GNS: variants seen among roughly 807,000 people sequenced by gnomAD.
GNS encodes the protein glucosamine (N-acetyl)-6-sulfatase, also known as N-acetylglucosamine-6-sulfatase.
GNS carries 40 observed loss-of-function variants against 69.7 expected under a neutral mutation model. The observed-to-expected ratio is 0.57, with a 90% confidence interval of 0.45 to 0.75. The LOEUF is 0.75. Among genes scored for constraint, GNS ranks in the 30% least tolerant of loss-of-function variants. GNS has a pLI of 0.00. For synonymous variants in GNS, 243 were observed against 251.6 expected (o/e 0.97, Z 0.32); for missense variants, 565 against 685.5 (o/e 0.82, Z 1.96).
chr12:64,735,562 C>A (rs1377900450), intron 9 of GNS, among the ~76,000 whole-genome samples: 1 of 152,148 alleles, frequency 6.6e-6, no homozygotes, highest in African/African-American at 2.4e-5. Context: ...GCAATGTTAA[C>A]TTAAAGAAAA....
At chr12:64,756,903 C>A in intron 1 of GNS, 1 of 576,036 alleles carries the variant, frequency 1.7e-6, no homozygotes, top group South Asian at 2.2e-5. Context: ...GCCTGTAATC[C>A]CAGCACTTTG....
rs1869549314 is a variant in GNS at position 64,736,119 on chromosome 12, CA to C, written c.1098+884del. 3.9e-5 allele frequency among the ~76,000 whole-genome samples: 6 copies of C among 152,182 alleles called. No homozygotes were observed. In the South Asian group the frequency reaches 1.2e-3, roughly 31 times the overall value. ...GGGACTGAAACTGAAATTGTGATAT[CA>C]GGAAGGAGAGAAGACATAGCTGGTG... is the stretch of plus-strand genomic sequence containing the variant. On this transcript the variant is annotated intron_variant, in intron 9 of 13. Coordinates refer to ENST00000258145, the MANE Select transcript of GNS (RefSeq NM_002076.4).
chr12:64,734,725 T>C (rs1404381503), intron 9 of GNS, among the ~76,000 whole-genome samples: 6 of 152,236 alleles, frequency 3.9e-5, no homozygotes, highest in Non-Finnish European at 8.8e-5. Context: ...AACATCCACA[T>C]CTGCTCAAAT....
intron 9 of GNS, among the ~76,000 whole-genome samples, chr12:64,732,147 T>C (rs1470475207): frequency 2.3e-5 from 3 of 132,416 alleles, no homozygotes; most frequent in African/African-American, 5.8e-5. Flanking sequence ...CCACCACACC[T>C]GGCTAATTTT....
At chr12:64,737,817 C>T (rs188128155) in intron 8 of GNS, among the ~76,000 whole-genome samples, 105 of 152,224 alleles carry the variant, frequency 6.9e-4, no homozygotes, top group Admixed American at 2.1e-3. Flanking sequence ...CTATCAAGTC[C>T]CTAATCTAAC....
chr12:64,732,334 C>CT (rs938032770), intron 9 of GNS, among the ~76,000 whole-genome samples: 3 of 149,338 alleles, frequency 2.0e-5, no homozygotes, highest in African/African-American at 4.9e-5. Flanking sequence ...CGCCCAGCTA[C>CT]TTTTTTTGTA....
In GNS at chr12:64,729,259, T is replaced by G; in HGVS notation, c.1099-202A>C. 5 of 575,546 alleles carry G rather than the reference T, an allele frequency of 8.7e-6. No homozygotes were observed. In the South Asian group the frequency reaches 1.1e-4, roughly 12 times the overall value. The allele number at this position is 575,546 out of a possible 1,614,324, so 35.7% of individuals were successfully genotyped here. On this transcript the variant is annotated intron_variant, in intron 9 of 13. Transcript: ENST00000258145. ...AAAATATAAAGGCTTATAAGGCTTG[T>G]ATAATAGTATATCCCCCTGGCAAGT...
intron 12 of GNS, among the ~76,000 whole-genome samples, chr12:64,721,376 G>A (rs1232821104): frequency 2.0e-5 from 3 of 152,188 alleles, no homozygotes; most frequent in African/African-American, 7.2e-5. Context: ...TGTATATTTG[G>A]GTGGTGGTGG....
intron 5 of GNS, among the ~76,000 whole-genome samples, chr12:64,744,325 A>G (rs976866579): frequency 6.6e-6 from 1 of 152,190 alleles, no homozygotes; most frequent in Admixed American, 6.5e-5. Context: ...ATATAATACT[A>G]TTGAAGACTG....
chr12:64,725,995 CAAAAAAAAAAAAAAA>C (rs34734900), intron 10 of GNS, among the ~76,000 whole-genome samples: 7 of 49,216 alleles, frequency 1.4e-4, no homozygotes, highest in African/African-American at 3.2e-4. Flanking sequence ...GACTCTGTCT[CAAAAAAAAAAAAAAA>C]AAAAAAAAAA....
intron 9 of GNS, among the ~76,000 whole-genome samples, chr12:64,730,922 C>T (rs73323457): frequency 0.021 from 3,165 of 152,174 alleles, 53 homozygotes; most frequent in Middle Eastern, 0.054. Context: ...TCAGATACTA[C>T]TATGATGTCC....
At chr12:64,742,047 A>C (rs1453264709) in intron 6 of GNS, among the ~76,000 whole-genome samples, 1 of 151,864 alleles carries the variant, frequency 6.6e-6, no homozygotes, top group African/African-American at 2.4e-5. Context: ...TTTTGATGGA[A>C]TCTTGCACTG....
intron 9 of GNS, among the ~76,000 whole-genome samples, chr12:64,733,297 CAAAAAAAAAAAAAA>C (rs961321163): frequency 1.1e-4 from 3 of 26,650 alleles, no homozygotes; most frequent in Admixed American, 5.6e-4. Flanking sequence ...GACCCTGTCT[CAAAAAAAAAAAAAA>C]AAAAAAAAAA....
At position 64,747,770 on chromosome 12, in the gene GNS, G is replaced by A. The variant is rs1869939557; in HGVS notation, c.401C>T (p.Ala134Val). 1.9e-6 allele frequency: 3 copies of A among 1,612,460 alleles called. No individual in the cohort carries two copies. The highest frequency in any genetic ancestry group is 1.3e-5 in the African/African-American group (1 of 74,874). ...ATAACCACACATTGATCTGAGAATT[G>A]CTGGGAAAGTATTTGGTTCTTGGAT... ...QKIQEPNTFPAILRSMCGYQT... is the reference protein window; with the variant it reads ...QKIQEPNTFPVILRSMCGYQT... The change falls in exon 3 of 14, where the codon GCA becomes GTA. Residue 134 changes from alanine to valine, a missense_variant. Physicochemically the swap from Ala to Val is moderately conservative, Grantham distance 64. Coordinates refer to ENST00000258145, the MANE Select transcript of GNS (RefSeq NM_002076.4).
intron 2 of GNS, among the ~76,000 whole-genome samples, chr12:64,751,992 A>G (rs1036682759): frequency 1.3e-5 from 2 of 152,014 alleles, no homozygotes; most frequent in African/African-American, 4.8e-5. Context: ...AGAAAAAATA[A>G]GTCAGGCACT....
chr12:64,717,940 A>G (rs1868917951), intron 13 of GNS, among the ~76,000 whole-genome samples: 1 of 152,208 alleles, frequency 6.6e-6, no homozygotes, highest in Non-Finnish European at 1.5e-5. Context: ...TTAGAACTGC[A>G]ATTGACCAAG....
At chr12:64,732,066 A>C (rs1477707747) in intron 9 of GNS, among the ~76,000 whole-genome samples, 1 of 151,928 alleles carries the variant, frequency 6.6e-6, no homozygotes, top group East Asian at 1.9e-4. Context: ...GGCTCACTGC[A>C]ATCTCCACCT....
intron 3 of GNS, among the ~76,000 whole-genome samples, chr12:64,746,491 C>G (rs1048809889): frequency 6.6e-6 from 1 of 152,120 alleles, no homozygotes. Flanking sequence ...AAATCTGAAA[C>G]GCAAAATACT....
chr12:64,717,541 T>C (rs1868902029), intron 13 of GNS, among the ~76,000 whole-genome samples: 1 of 112,698 alleles, frequency 8.9e-6, no homozygotes, highest in African/African-American at 3.0e-5. Flanking sequence ...TTTTTTTTTT[T>C]TGTAGAGACA....
Sources: allele counts gnomAD v4.1 joint callset (sites outside exome capture counted in the v4.1 genomes callset), GRCh38; gene constraint gnomAD v4.1.1; transcripts MANE v1.5; gene names NCBI Gene and HGNC (gene_info 2026-07-23, HGNC 2026-07-21).